The following THSD7B variants were observed in gnomAD, a reference collection of about 807,000 sequenced individuals.
The protein encoded by THSD7B is thrombospondin type 1 domain containing 7B, also known as thrombospondin type-1 domain-containing protein 7B.
Under a neutral mutation model 213.6 loss-of-function variants are expected in THSD7B, and 138 were observed. The observed-to-expected ratio is 0.65, with a 90% confidence interval of 0.56 to 0.74. The LOEUF is 0.74. Among genes scored for constraint, THSD7B ranks in the 30% least tolerant of loss-of-function variants. The pLI is 0.00. For missense variants in THSD7B, 1,931 were observed against 1,991.5 expected (o/e 0.97, Z 0.58); for synonymous variants, 742 against 687.0 (o/e 1.08, Z -1.25).
At chr2:136,849,186 ATGT>A (rs1683056986) in intron 1 of THSD7B, among the ~76,000 whole-genome samples, 1 of 152,090 alleles carries the variant, frequency 6.6e-6, no homozygotes. Context: ...GCTTACATCA[ATGT>A]TGTTTGAAGG....
intron 21 of THSD7B, 70 bp downstream of exon 21, chr2:137,642,703 T>C: frequency 1.3e-6 from 2 of 1,528,404 alleles, no homozygotes; most frequent in Non-Finnish European, 1.8e-6. Context: ...GTCAAACCTA[T>C]GCGCTGATGG....
rs754709145 is a variant in THSD7B at position 137,667,779 on chromosome 2, C to A, written c.4657C>A (p.Arg1553=). Residue 1553 remains arginine (R), a synonymous_variant, in exon 27 of 28, where the codon CGA becomes AGA. Coordinates refer to ENST00000409968, the MANE Select transcript of THSD7B (RefSeq NM_001316349.2). ...GTTATCTCTATTTTAAACAGATGGC[C>A]GAGTAAAAATTTGGGTTTATGGCGT... ...WSLQPLDPDG[R]VKIWVYGVSG... is the part of the protein sequence containing the mutation. The A allele has an allele frequency of 1.2e-6, 2 of 1,602,554 alleles. No homozygotes were observed. The highest frequency in any genetic ancestry group is 2.2e-5 in the East Asian group (1 of 44,658).
Position 137,057,007 on chromosome 2 carries a change from C to G in THSD7B, c.727C>G (p.Leu243Val). The G allele has an allele frequency of 6.2e-7, 1 of 1,613,896 alleles. No homozygotes were observed. Among genetic ancestry groups the G allele is most frequent in the Non-Finnish European group, 8.5e-7 (1 of 1,179,878 alleles). ...TGGGGAAGAGGAATATACATTTAGC[C>G]TTAAGGTTGGACCATGGAGTAAATG... ...PLGEEEYTFS[L>V]KVGPWSKCRL... is the part of the protein sequence containing the mutation. The change falls in exon 3 of 28, where the codon CTT becomes GTT. Residue 243 changes from leucine (L) to valine (V), a missense_variant. Physicochemically the swap from Leu to Val is conservative, Grantham distance 32. Transcript: ENST00000409968.
At chr2:137,311,466 C>T (rs1033490399) in intron 12 of THSD7B, among the ~76,000 whole-genome samples, 1 of 152,128 alleles carries the variant, frequency 6.6e-6, no homozygotes, top group Non-Finnish European at 1.5e-5. Flanking sequence ...GACAATTTGA[C>T]TTCCTCTTTT....
chr2:137,659,046 T>C (rs1024300085), intron 24 of THSD7B, among the ~76,000 whole-genome samples: 4 of 152,118 alleles, frequency 2.6e-5, no homozygotes, highest in Non-Finnish European at 5.9e-5. Context: ...TTCAAAAATA[T>C]GTACGGAGCA....
At chr2:137,444,996 A>G (rs551224527) in intron 14 of THSD7B, among the ~76,000 whole-genome samples, 2 of 151,342 alleles carry the variant, frequency 1.3e-5, no homozygotes, top group South Asian at 4.2e-4. Context: ...TGGCCAACAG[A>G]TGTATAAAAA....
At chr2:137,631,825 G>A (rs1682746768) in intron 20 of THSD7B, among the ~76,000 whole-genome samples, 1 of 152,168 alleles carries the variant, frequency 6.6e-6, no homozygotes, top group South Asian at 2.1e-4. Context: ...TCCATGGCAA[G>A]CTGTAGGATG....
chr2:137,120,124 G>A (rs571720613), intron 5 of THSD7B, among the ~76,000 whole-genome samples: 8 of 152,180 alleles, frequency 5.3e-5, no homozygotes, highest in South Asian at 4.2e-4. Context: ...CAGAGATAAC[G>A]GGATAAAATA....
intron 2 of THSD7B, among the ~76,000 whole-genome samples, chr2:137,014,502 A>G (rs375869882): frequency 6.6e-6 from 1 of 152,082 alleles, no homozygotes. Context: ...TTGCACAACA[A>G]CTCAGAGCCA....
chr2:136,774,059 C>T (rs1219024920), intron 1 of THSD7B, among the ~76,000 whole-genome samples: 1 of 152,062 alleles, frequency 6.6e-6, no homozygotes, highest in Non-Finnish European at 1.5e-5. Flanking sequence ...TTCTACTTTA[C>T]AACTCTTCAT....
At chr2:137,509,142 T>G (rs999967765) in intron 15 of THSD7B, among the ~76,000 whole-genome samples, 2 of 152,208 alleles carry the variant, frequency 1.3e-5, no homozygotes, top group African/African-American at 4.8e-5. Context: ...ACTCAAATTG[T>G]TTAAAGAGAC....
chr2:137,256,992 A>G (rs1475292122), intron 10 of THSD7B, among the ~76,000 whole-genome samples: 1 of 152,160 alleles, frequency 6.6e-6, no homozygotes, highest in Non-Finnish European at 1.5e-5. Flanking sequence ...CAGAGTCCCA[A>G]GGTGGCACAG....
chr2:137,076,025 CGGGG>C (rs1558910639), intron 3 of THSD7B, among the ~76,000 whole-genome samples: 1 of 152,166 alleles, frequency 6.6e-6, no homozygotes, highest in African/African-American at 2.4e-5. Flanking sequence ...TTAGGCTACT[CGGGG>C]GTCAGGGACC....
intron 14 of THSD7B, among the ~76,000 whole-genome samples, chr2:137,429,378 A>T (rs779320056): frequency 5.9e-5 from 9 of 152,230 alleles, no homozygotes; most frequent in Non-Finnish European, 1.0e-4. Flanking sequence ...ATAACAATTC[A>T]AAGGAATAGT....
chr2:137,020,710 C>T (rs946775548), intron 2 of THSD7B, among the ~76,000 whole-genome samples: 2 of 152,094 alleles, frequency 1.3e-5, no homozygotes, highest in African/African-American at 4.8e-5. Flanking sequence ...CGCTTTGCCC[C>T]GGGATTGTCT....
chr2:137,016,991 C>T (rs564547729), intron 2 of THSD7B, among the ~76,000 whole-genome samples: 2 of 152,200 alleles, frequency 1.3e-5, no homozygotes, highest in Middle Eastern at 6.8e-3. Context: ...TGTTACATAG[C>T]ACTCCCATTA....
At chr2:137,224,645 G>A (rs1681454305) in intron 7 of THSD7B, among the ~76,000 whole-genome samples, 2 of 152,128 alleles carry the variant, frequency 1.3e-5, no homozygotes, top group South Asian at 4.2e-4. Context: ...CATCCTAGGT[G>A]ATCAAATTGT....
intron 7 of THSD7B, among the ~76,000 whole-genome samples, chr2:137,228,414 T>A (rs13426960): frequency 0.061 from 9,255 of 152,172 alleles, 742 homozygotes; most frequent in African/African-American, 0.18. Flanking sequence ...ATGAATGTAA[T>A]GACAGGGAGG....
At chr2:137,048,746 C>T (rs1185718645) in intron 2 of THSD7B, among the ~76,000 whole-genome samples, 1 of 152,190 alleles carries the variant, frequency 6.6e-6, no homozygotes, top group African/African-American at 2.4e-5. Flanking sequence ...ATTGATCATT[C>T]ACTGGGTAAA....
Sources: allele counts gnomAD v4.1 joint callset (sites outside exome capture counted in the v4.1 genomes callset), GRCh38; gene constraint gnomAD v4.1.1; transcripts MANE v1.5; gene names NCBI Gene and HGNC (gene_info 2026-07-23, HGNC 2026-07-21).